The following NCKAP5 variants were observed in gnomAD, a reference collection of about 807,000 sequenced individuals.
NCKAP5 encodes the protein NCK associated protein 5.
In NCKAP5, 92 loss-of-function variants were observed where a neutral mutation model predicts 167.0. That is an observed-to-expected ratio of 0.55 (90% CI 0.47 to 0.66). NCKAP5 has a LOEUF of 0.66. Among genes scored for constraint, NCKAP5 ranks in the 30% least tolerant of loss-of-function variants. NCKAP5 has a pLI of 0.00. For missense variants in NCKAP5, 2,378 were observed against 2,315.0 expected (o/e 1.03, Z -0.56); for synonymous variants, 891 against 877.4 (o/e 1.02, Z -0.27).
At chr2:133,270,300 A>G (rs1467417555) in intron 4 of NCKAP5, among the ~76,000 whole-genome samples, 3 of 152,232 alleles carry the variant, frequency 2.0e-5, no homozygotes, top group Non-Finnish European at 4.4e-5. Context: ...TTGTACGTAA[A>G]CTAAACCTTA....
At chr2:132,966,880 C>T (rs991537664) in intron 7 of NCKAP5, among the ~76,000 whole-genome samples, 2 of 152,032 alleles carry the variant, frequency 1.3e-5, no homozygotes, top group Non-Finnish European at 2.9e-5. Flanking sequence ...AAATCACCAA[C>T]AAAAAGCACA....
At chr2:133,635,911 C>T in the NCKAP5 span, among the ~76,000 whole-genome samples, 4 of 152,110 alleles carry the variant, frequency 2.6e-5, no homozygotes, top group Non-Finnish European at 4.4e-5. Flanking sequence ...CTGAGCCTAA[C>T]CTTGAAGAGT....
chr2:133,387,976 C>T (rs140283086), intron 3 of NCKAP5, among the ~76,000 whole-genome samples: 3,827 of 152,198 alleles, frequency 0.025, 144 homozygotes, highest in African/African-American at 0.086. Context: ...AACTTCTTTG[C>T]GATGGGTTCG....
chr2:133,614,520 G>T, the NCKAP5 span, among the ~76,000 whole-genome samples: 1 of 151,996 alleles, frequency 6.6e-6, no homozygotes, highest in Non-Finnish European at 1.5e-5. Flanking sequence ...CTCAGGAGCC[G>T]ATGCAATCAA....
chr2:133,426,393 AAGAT>A (rs1444664459), intron 3 of NCKAP5, among the ~76,000 whole-genome samples: 1 of 151,928 alleles, frequency 6.6e-6, no homozygotes, highest in East Asian at 1.9e-4. Context: ...TTAAAAAAAA[AAGAT>A]AGAAAATAAA....
chr2:132,744,483 C>CTTAAACAGTGCCTTAACAGTTTAAGCT (rs1331799909), intron 16 of NCKAP5, among the ~76,000 whole-genome samples: 2 of 151,418 alleles, frequency 1.3e-5, no homozygotes, highest in Non-Finnish European at 3.0e-5. Flanking sequence ...TGGAATGCAG[C>CTTAAACAGTGCCTTAACAGTTTAAGCT]TAAACAGTGC....
At chr2:133,018,629 G>C (rs1165754626) in intron 6 of NCKAP5, among the ~76,000 whole-genome samples, 2 of 152,194 alleles carry the variant, frequency 1.3e-5, no homozygotes, top group Non-Finnish European at 2.9e-5. Context: ...CTAGAACTGT[G>C]CACAGCAAGT....
At chr2:133,469,607 T>C (rs890021674) in intron 3 of NCKAP5, among the ~76,000 whole-genome samples, 1 of 152,150 alleles carries the variant, frequency 6.6e-6, no homozygotes, top group African/African-American at 2.4e-5. Context: ...GCAGCGTGTT[T>C]TCCAACTTGC....
chr2:133,278,399 C>T (rs2089814623), intron 4 of NCKAP5, among the ~76,000 whole-genome samples: 1 of 152,106 alleles, frequency 6.6e-6, no homozygotes, highest in Non-Finnish European at 1.5e-5. Flanking sequence ...GCCCCTTCCT[C>T]CATCTTCAAA....
chr2:133,386,985 C>T (rs1026176361), intron 3 of NCKAP5, among the ~76,000 whole-genome samples: 3 of 152,166 alleles, frequency 2.0e-5, no homozygotes, highest in African/African-American at 7.2e-5. Flanking sequence ...ACTGATGGGT[C>T]TTGACTCTTA....
chr2:133,248,372 G>C (rs1015615703), intron 4 of NCKAP5, among the ~76,000 whole-genome samples: 1 of 152,230 alleles, frequency 6.6e-6, no homozygotes, highest in East Asian at 1.9e-4. Context: ...AAACCACCCA[G>C]AGTTCCATCA....
intron 11 of NCKAP5, among the ~76,000 whole-genome samples, chr2:132,849,230 C>A (rs924778333): frequency 5.3e-5 from 8 of 152,086 alleles, no homozygotes; most frequent in Admixed American, 3.3e-4. Context: ...TTCTGTGATC[C>A]AGCCATGGCT....
intron 4 of NCKAP5, among the ~76,000 whole-genome samples, chr2:133,246,716 G>A (rs946817257): frequency 1.3e-5 from 2 of 152,174 alleles, no homozygotes; most frequent in Admixed American, 6.5e-5. Context: ...TTCTCACTGC[G>A]GCTTCCAATC....
intron 19 of NCKAP5, among the ~76,000 whole-genome samples, chr2:132,694,713 A>G (rs1332797758): frequency 6.6e-6 from 1 of 152,192 alleles, no homozygotes; most frequent in East Asian, 1.9e-4. Context: ...CATCTGGCAT[A>G]ATGAACAGTG....
chr2:133,223,969 A>G (rs2086771700), intron 4 of NCKAP5, among the ~76,000 whole-genome samples: 2 of 152,240 alleles, frequency 1.3e-5, no homozygotes, highest in South Asian at 4.1e-4. Flanking sequence ...GATAGTTAGT[A>G]AACACAAACT....
the NCKAP5 span, among the ~76,000 whole-genome samples, chr2:133,661,818 G>A: frequency 4.6e-5 from 7 of 152,086 alleles, no homozygotes; most frequent in African/African-American, 1.7e-4. Flanking sequence ...GTGTTCACTG[G>A]TGCCTTATTA....
intron 3 of NCKAP5, among the ~76,000 whole-genome samples, chr2:133,459,847 A>G (rs1692093355): frequency 6.6e-6 from 1 of 152,220 alleles, no homozygotes; most frequent in Non-Finnish European, 1.5e-5. Flanking sequence ...ATTAGGAAGC[A>G]CTTTTACATG....
At chr2:133,266,841 G>A (rs1370239528) in intron 4 of NCKAP5, among the ~76,000 whole-genome samples, 1 of 152,158 alleles carries the variant, frequency 6.6e-6, no homozygotes, top group Non-Finnish European at 1.5e-5. Flanking sequence ...CTTTCCTCCT[G>A]GAGGCGCGCG....
intron 4 of NCKAP5, among the ~76,000 whole-genome samples, chr2:133,218,635 A>C (rs1463913835): frequency 1.3e-5 from 2 of 152,162 alleles, no homozygotes; most frequent in African/African-American, 4.8e-5. Flanking sequence ...TAATTGTTGA[A>C]GCTTCAGAGA....
Sources: gnomAD v4.1 joint callset for allele counts (sites outside exome capture counted in the v4.1 genomes callset) on GRCh38, gnomAD v4.1.1 for gene constraint, MANE v1.5 for transcripts, NCBI Gene and HGNC (gene_info 2026-07-23, HGNC 2026-07-21) for gene names.